KCNH8: variants seen among roughly 807,000 people sequenced by gnomAD.
KCNH8 encodes the protein potassium voltage-gated channel subfamily H member 8, also known as voltage-gated delayed rectifier potassium channel KCNH8.
In KCNH8, 70 loss-of-function variants were observed where a neutral mutation model predicts 103.6. The observed-to-expected ratio is 0.68, with a 90% confidence interval of 0.56 to 0.82. KCNH8 has a LOEUF of 0.82. Ranked by LOEUF, KCNH8 falls within the 40% of genes least tolerant of loss-of-function variation. KCNH8 has a pLI of 0.00. For missense variants in KCNH8, 1,217 were observed against 1,329.9 expected (o/e 0.92, Z 1.32); for synonymous variants, 498 against 489.4 (o/e 1.02, Z -0.23).
chr3:19,450,189 A>G lies in KCNH8; in HGVS notation c.1459A>G (p.Thr487Ala). 1 of 1,613,696 alleles carries G rather than the reference A, an allele frequency of 6.2e-7. No homozygotes were observed. The highest frequency in any genetic ancestry group is 8.5e-7 in the Non-Finnish European group (1 of 1,179,740). The part of the protein sequence containing the change: ...YSRWSLYHTR[T>A]KDLKDFIRVH... Reference sequence around the variant, plus strand: ...CAGATGGTCCCTCTATCACACTAGAACTAAGGATCTGAAAGATTTCATCCG... The same window carrying G: ...CAGATGGTCCCTCTATCACACTAGAGCTAAGGATCTGAAAGATTTCATCCG... Residue 487 changes from threonine (T) to alanine (A), a missense_variant, in exon 9 of 16, where the codon ACT becomes GCT. Thr to Ala is a moderately conservative substitution (Grantham distance 58). Transcript: ENST00000328405.
At chr3:19,424,166 AAG>A (rs769515986) in intron 7 of KCNH8, among the ~76,000 whole-genome samples, 43 of 152,282 alleles carry the variant, frequency 2.8e-4, no homozygotes, top group Non-Finnish European at 4.9e-4. Flanking sequence ...ACTGAGCAAA[AAG>A]AACAAATCTG....
At chr3:19,405,719 A>C (rs1442199) in intron 7 of KCNH8, among the ~76,000 whole-genome samples, 6,647 of 151,982 alleles carry the variant, frequency 0.044, 297 homozygotes, top group East Asian at 0.2. Context: ...GGTTGGGAAT[A>C]CTTTATCCTA....
intron 3 of KCNH8, among the ~76,000 whole-genome samples, chr3:19,317,035 T>C (rs35616845): frequency 0.2 from 31,054 of 151,758 alleles, 4,059 homozygotes; most frequent in Non-Finnish European, 0.28. Context: ...TACTTCTTGG[T>C]GGCTTGATTT....
intron 11 of KCNH8, among the ~76,000 whole-genome samples, chr3:19,471,579 T>C (rs566781286): frequency 9.8e-5 from 15 of 152,306 alleles, no homozygotes; most frequent in African/African-American, 3.4e-4. Flanking sequence ...TGCTAAGCAC[T>C]TTACAAACAT....
intron 1 of KCNH8, among the ~76,000 whole-genome samples, chr3:19,170,271 T>C (rs961551244): frequency 6.6e-6 from 1 of 152,176 alleles, no homozygotes; most frequent in African/African-American, 2.4e-5. Flanking sequence ...AACAGTTCCC[T>C]AAGCTCTATG....
intron 7 of KCNH8, among the ~76,000 whole-genome samples, chr3:19,427,336 A>G (rs959177148): frequency 2.0e-5 from 3 of 152,210 alleles, no homozygotes; most frequent in African/African-American, 7.2e-5. Context: ...TTTCAAATCC[A>G]TTGAAAAGGC....
At chr3:19,416,797 A>G (rs1243364088) in intron 7 of KCNH8, among the ~76,000 whole-genome samples, 2 of 152,172 alleles carry the variant, frequency 1.3e-5, no homozygotes, top group Non-Finnish European at 2.9e-5. Context: ...TGTGCTTGCA[A>G]TGCACATGGC....
At chr3:19,219,885 T>G (rs1479497882) in intron 1 of KCNH8, among the ~76,000 whole-genome samples, 2 of 152,182 alleles carry the variant, frequency 1.3e-5, no homozygotes, top group African/African-American at 4.8e-5. Flanking sequence ...CTTGCTGTGA[T>G]TTTTCCTACT....
intron 11 of KCNH8, among the ~76,000 whole-genome samples, chr3:19,476,070 C>T (rs1006091719): frequency 6.6e-6 from 1 of 152,134 alleles, no homozygotes; most frequent in Non-Finnish European, 1.5e-5. Context: ...AATAATTCTT[C>T]AATCTTAAGT....
At chr3:19,318,666 C>CGTGT (rs1559474389) in intron 3 of KCNH8, among the ~76,000 whole-genome samples, 1,345 of 68,316 alleles carry the variant, frequency 0.02, 24 homozygotes, top group African/African-American at 0.08. Context: ...TGTGTGTACA[C>CGTGT]ACACACACAC....
chr3:19,419,188 G>GTTTT (rs1299734245), intron 7 of KCNH8, among the ~76,000 whole-genome samples: 2 of 75,880 alleles, frequency 2.6e-5, no homozygotes, highest in African/African-American at 9.3e-5. Context: ...TAATTAAAAT[G>GTTTT]GTTTTGGTTT....
intron 1 of KCNH8, among the ~76,000 whole-genome samples, chr3:19,250,589 A>G (rs2064264304): frequency 6.6e-6 from 1 of 152,158 alleles, no homozygotes; most frequent in African/African-American, 2.4e-5. Context: ...TTCCGTATTC[A>G]TTTTCTGAGC....
chr3:19,437,427 CTA>C (rs1299299690), intron 7 of KCNH8, among the ~76,000 whole-genome samples: 1 of 152,134 alleles, frequency 6.6e-6, no homozygotes, highest in Non-Finnish European at 1.5e-5. Context: ...ATACAATTAA[CTA>C]TACATATTTA....
chr3:19,267,265 C>G (rs906529306), intron 2 of KCNH8, among the ~76,000 whole-genome samples: 1 of 152,072 alleles, frequency 6.6e-6, no homozygotes, highest in African/African-American at 2.4e-5. Context: ...ATGCCAGCAA[C>G]TTGCACACAA....
intron 1 of KCNH8, among the ~76,000 whole-genome samples, chr3:19,181,386 G>T (rs56837808): frequency 6.6e-6 from 1 of 152,018 alleles, no homozygotes; most frequent in East Asian, 1.9e-4. Context: ...AACAAAGATA[G>T]ATCAGAAATG....
intron 8 of KCNH8, among the ~76,000 whole-genome samples, chr3:19,443,851 CTT>C (rs1447139538): frequency 5.3e-5 from 8 of 151,970 alleles, no homozygotes; most frequent in Non-Finnish European, 1.2e-4. Context: ...ATTTGTAAGA[CTT>C]CTATACAGAA....
intron 9 of KCNH8, 96 bp from the exon 10 acceptor site, chr3:19,451,059 G>C (rs576913538): frequency 1.7e-6 from 2 of 1,204,164 alleles, no homozygotes; most frequent in African/African-American, 3.0e-5. Context: ...CCAAACAGCA[G>C]GAGACAGTAG....
chr3:19,408,006 G>T (rs1440112200), intron 7 of KCNH8, among the ~76,000 whole-genome samples: 1 of 152,040 alleles, frequency 6.6e-6, no homozygotes, highest in Admixed American at 6.6e-5. Flanking sequence ...TACCCTTCAT[G>T]GCTCCCACCC....
intron 11 of KCNH8, among the ~76,000 whole-genome samples, chr3:19,496,078 C>T (rs2068434923): frequency 1.3e-5 from 2 of 152,174 alleles, no homozygotes; most frequent in African/African-American, 4.8e-5. Flanking sequence ...AATTGTTTAT[C>T]AGATCACAGA....
Sources: allele counts gnomAD v4.1 joint callset (sites outside exome capture counted in the v4.1 genomes callset), GRCh38; gene constraint gnomAD v4.1.1; transcripts MANE v1.5; gene names NCBI Gene and HGNC (gene_info 2026-07-23, HGNC 2026-07-21).